The following DKK2 variants were observed in gnomAD, a reference collection of about 807,000 sequenced individuals.
DKK2 encodes the protein dickkopf-related protein 2.
Under a neutral mutation model 28.1 loss-of-function variants are expected in DKK2, and 11 were observed. The ratio of observed to expected loss-of-function variants is 0.39; its 90% CI spans 0.25 to 0.65. The LOEUF (loss-of-function observed/expected upper bound fraction) is 0.65, where lower values mean the gene tolerates loss of function less well. Among genes scored for constraint, DKK2 ranks in the 30% least tolerant of loss-of-function variants. The probability of loss-of-function intolerance (pLI) is 0.47; values close to 1 mark genes in which losing one functional copy is unlikely to be tolerated. For missense variants in DKK2, 326 were observed against 335.5 expected, an observed-to-expected ratio of 0.97 and a Z score of 0.22; for synonymous variants, 135 against 126.5, an observed-to-expected ratio of 1.07 and a Z score of -0.45.
At chr4:107,009,899 T>C (rs1723491693) in intron 1 of DKK2, among the ~76,000 whole-genome samples, 1 of 151,836 alleles carries the variant, frequency 6.6e-6, no homozygotes, top group African/African-American at 2.4e-5. Flanking sequence ...TCTGTAATTC[T>C]GTGGGAATTC....
intron 1 of DKK2, among the ~76,000 whole-genome samples, chr4:107,031,311 A>G (rs1452208152): frequency 6.6e-6 from 1 of 151,996 alleles, no homozygotes; most frequent in African/African-American, 2.4e-5. Context: ...AAAGTCATGG[A>G]TAATTTCAGA....
intron 1 of DKK2, among the ~76,000 whole-genome samples, chr4:106,934,705 T>G (rs1203621577): frequency 6.6e-6 from 1 of 152,206 alleles, no homozygotes; most frequent in Non-Finnish European, 1.5e-5. Flanking sequence ...ATAGTCAAAT[T>G]CTACTCTGCT....
chr4:107,010,386 C>T (rs755153371), intron 1 of DKK2, among the ~76,000 whole-genome samples: 30 of 151,616 alleles, frequency 2.0e-4, no homozygotes, highest in Non-Finnish European at 3.3e-4. Context: ...ACTAAGTGTA[C>T]ATTGCTGTTT....
At chr4:106,932,768 T>A (rs187738144) in intron 1 of DKK2, among the ~76,000 whole-genome samples, 1 of 152,290 alleles carries the variant, frequency 6.6e-6, no homozygotes, top group Admixed American at 6.5e-5. Flanking sequence ...AACTGCACAA[T>A]CTTAAGGTCT....
At chr4:107,033,474 A>C (rs920756499) in intron 1 of DKK2, among the ~76,000 whole-genome samples, 7 of 152,186 alleles carry the variant, frequency 4.6e-5, no homozygotes, top group Non-Finnish European at 8.8e-5. Flanking sequence ...CATAAAGAAG[A>C]AGCTAGGTTC....
chr4:106,946,383 G>A (rs1161482440), intron 1 of DKK2, among the ~76,000 whole-genome samples: 1 of 152,118 alleles, frequency 6.6e-6, no homozygotes, highest in East Asian at 1.9e-4. Flanking sequence ...TCCCTGGGAA[G>A]TAAGATGAGT....
intron 1 of DKK2, among the ~76,000 whole-genome samples, chr4:107,026,085 A>G (rs192477800): frequency 6.6e-6 from 1 of 152,222 alleles, no homozygotes; most frequent in Non-Finnish European, 1.5e-5. Flanking sequence ...TAAAATGAGC[A>G]AGTTAAATTA....
chr4:107,026,797 T>C (rs1389571445), intron 1 of DKK2, among the ~76,000 whole-genome samples: 4 of 152,200 alleles, frequency 2.6e-5, no homozygotes, highest in South Asian at 2.1e-4. Flanking sequence ...TCAAGGATTT[T>C]TCTGTTGTGG....
rs1357617221 is a variant in DKK2 at position 106,922,738 on chromosome 4, C to T, written c.*1216G>A. Reference sequence around the variant, plus strand: ...AGGATAGTACGGACACAGGACCTCACACTGAATTCATCTGCATAGTAAATA... The same window carrying T: ...AGGATAGTACGGACACAGGACCTCATACTGAATTCATCTGCATAGTAAATA... On this transcript the variant is annotated 3_prime_UTR_variant, in exon 4 of 4. Coordinates refer to ENST00000285311, the MANE Select transcript of DKK2 (RefSeq NM_014421.3). The T allele has an allele frequency of 6.6e-6, 1 of 152,172 alleles. No homozygotes were observed. Among genetic ancestry groups the T allele is most frequent in the Non-Finnish European group, 1.5e-5 (1 of 68,034 alleles). 9.4% of individuals were successfully genotyped at this position (152,172 alleles called of 1,614,324 possible). A position where few individuals can be genotyped will look rare whatever the true frequency, so the allele number is the denominator to read the frequency against.
intron 1 of DKK2, among the ~76,000 whole-genome samples, chr4:106,943,913 G>A (rs769299527): frequency 6.6e-6 from 1 of 152,046 alleles, no homozygotes; most frequent in African/African-American, 2.4e-5. Context: ...GTGTTTCTGA[G>A]GATCAGATGG....
chr4:106,960,422 A>G (rs1233211621), intron 1 of DKK2, among the ~76,000 whole-genome samples: 1 of 151,996 alleles, frequency 6.6e-6, no homozygotes, highest in Non-Finnish European at 1.5e-5. Flanking sequence ...GACTCAGAAG[A>G]GGGGAGCTGG....
intron 1 of DKK2, among the ~76,000 whole-genome samples, chr4:107,004,182 G>A (rs899107142): frequency 1.3e-5 from 2 of 152,146 alleles, no homozygotes; most frequent in African/African-American, 4.8e-5. Flanking sequence ...GAATATGCTA[G>A]CATTACTCAG....
chr4:107,003,346 T>G (rs1249751740), intron 1 of DKK2, among the ~76,000 whole-genome samples: 3 of 152,216 alleles, frequency 2.0e-5, no homozygotes, highest in Non-Finnish European at 4.4e-5. Flanking sequence ...CCACCAAGTT[T>G]CCTGTGGCTT....
At chr4:106,929,083 A>G (rs1724464512) in intron 1 of DKK2, among the ~76,000 whole-genome samples, 1 of 152,206 alleles carries the variant, frequency 6.6e-6, no homozygotes, top group African/African-American at 2.4e-5. Flanking sequence ...TTTGACCTCC[A>G]AAGGCCATTG....
chr4:106,980,646 TAC>T (rs760098340), intron 1 of DKK2, among the ~76,000 whole-genome samples: 10 of 152,186 alleles, frequency 6.6e-5, no homozygotes, highest in Non-Finnish European at 1.5e-4. Context: ...AATAAGATAA[TAC>T]ATGCTGAATT....
chr4:106,935,031 G>C (rs1228485356), intron 1 of DKK2, among the ~76,000 whole-genome samples: 1 of 151,970 alleles, frequency 6.6e-6, no homozygotes, highest in Non-Finnish European at 1.5e-5. Flanking sequence ...GTTTGAGCAA[G>C]AGGATTGCTC....
chr4:107,033,404 G>A (rs1239187328), intron 1 of DKK2, among the ~76,000 whole-genome samples: 4 of 152,090 alleles, frequency 2.6e-5, no homozygotes, highest in African/African-American at 9.7e-5. Context: ...TAGCTATTTG[G>A]AGAGGTAGCA....
At chr4:106,943,142 A>C (rs1297336211) in intron 1 of DKK2, among the ~76,000 whole-genome samples, 1 of 152,110 alleles carries the variant, frequency 6.6e-6, no homozygotes. Context: ...ACTTTTAAGC[A>C]ACCTTCCAAG....
intron 1 of DKK2, among the ~76,000 whole-genome samples, chr4:106,982,455 G>A (rs1723040423): frequency 6.6e-6 from 1 of 152,148 alleles, no homozygotes; most frequent in Non-Finnish European, 1.5e-5. Flanking sequence ...AATCCGGGCT[G>A]CTAGTGCTGG....
Sources: allele counts gnomAD v4.1 joint callset (sites outside exome capture counted in the v4.1 genomes callset), GRCh38; gene constraint gnomAD v4.1.1; transcripts MANE v1.5; gene names NCBI Gene and HGNC (gene_info 2026-07-23, HGNC 2026-07-21).